CUL3: variants seen among roughly 807,000 people sequenced by gnomAD.
CUL3 encodes cullin-3.
Under a neutral mutation model 89.1 loss-of-function variants are expected in CUL3, and 19 were observed. That is an observed-to-expected ratio of 0.21 (90% CI 0.15 to 0.31). The LOEUF is 0.31. Among genes scored for constraint, CUL3 ranks in the 10% least tolerant of loss-of-function variants. CUL3 has a pLI of 1.00. For synonymous variants in CUL3, 351 were observed against 308.4 expected (o/e 1.14, Z -1.45); for missense variants, 469 against 942.3 (o/e 0.50, Z 6.58).
chr2:224,573,586 T>A (rs1387742878), intron 1 of CUL3, among the ~76,000 whole-genome samples: 1 of 152,204 alleles, frequency 6.6e-6, no homozygotes, highest in African/African-American at 2.4e-5. Flanking sequence ...GAAGGTAGAT[T>A]CTTTTTGTAA....
At chr2:224,513,709 G>T (rs920299956) in intron 4 of CUL3, 71 bp from the exon 5 acceptor site, 65 of 1,090,660 alleles carry the variant, frequency 6.0e-5, no homozygotes, top group South Asian at 1.4e-4. Flanking sequence ...TTACAAAAAG[G>T]AGTAGGTAAA....
chr2:224,541,894 T>C (rs1041268633), intron 2 of CUL3, among the ~76,000 whole-genome samples: 1 of 151,948 alleles, frequency 6.6e-6, no homozygotes, highest in Non-Finnish European at 1.5e-5. Flanking sequence ...TGTCAGGAAC[T>C]AGGGGTTAAG....
At chr2:224,541,332 T>C (rs1210359715) in intron 2 of CUL3, among the ~76,000 whole-genome samples, 1 of 152,182 alleles carries the variant, frequency 6.6e-6, no homozygotes, top group Non-Finnish European at 1.5e-5. Context: ...ATTTTGTACA[T>C]GAACAGATGT....
At chr2:224,582,050 G>A (rs1390262093) in intron 1 of CUL3, among the ~76,000 whole-genome samples, 5 of 151,700 alleles carry the variant, frequency 3.3e-5, no homozygotes, top group Admixed American at 2.6e-4. Flanking sequence ...CTGCAACCTC[G>A]GCCTTACAGG....
intron 3 of CUL3, among the ~76,000 whole-genome samples, chr2:224,532,248 T>A (rs568450758): frequency 2.6e-4 from 40 of 151,470 alleles, no homozygotes; most frequent in African/African-American, 9.7e-4. Context: ...GTGAAGAGAG[T>A]GTACCATGAG....
At chr2:224,505,692 T>C in intron 8 of CUL3, 1 of 205,968 alleles carries the variant, frequency 4.9e-6, no homozygotes, top group Non-Finnish European at 9.6e-6. Flanking sequence ...TGTCTTGGCC[T>C]CCCCAAATGC....
intron 10 of CUL3, 63 bp from the exon 11 acceptor site, chr2:224,500,550 T>C (rs758181377): frequency 8.5e-6 from 13 of 1,534,554 alleles, no homozygotes; most frequent in Non-Finnish European, 1.2e-5. Context: ...CTGTTCTGTT[T>C]AGACATTGTG....
rs539705174 is a variant in CUL3 at position 224,544,249 on chromosome 2, T to C, written c.265-8608A>G. 5.3e-5 allele frequency among the ~76,000 whole-genome samples: 8 copies of C among 152,282 alleles called. No individual in the cohort carries two copies. The South Asian group carries it at 1.7e-3, about 32-fold the overall frequency. ...TTATTAAATATGATTTATAATAGTT[T>C]TGTATGATTTTTTAAATTGGGGCTT... On this transcript the variant is annotated intron_variant, in intron 2 of 15. Coordinates refer to ENST00000264414, the MANE Select transcript of CUL3 (RefSeq NM_003590.5).
intron 1 of CUL3, among the ~76,000 whole-genome samples, chr2:224,578,009 G>A (rs1481706289): frequency 6.6e-6 from 1 of 152,146 alleles, no homozygotes; most frequent in Non-Finnish European, 1.5e-5. Context: ...GATAATAGTA[G>A]TATTCAATAG....
chr2:224,531,434 T>TC (rs1693693339), intron 3 of CUL3, among the ~76,000 whole-genome samples: 1 of 136,662 alleles, frequency 7.3e-6, no homozygotes, highest in African/African-American at 2.5e-5. Flanking sequence ...TGTAGTTTAT[T>TC]TAAAAAAAAA....
chr2:224,564,031 A>T (rs959541478), intron 1 of CUL3, among the ~76,000 whole-genome samples: 2 of 152,204 alleles, frequency 1.3e-5, no homozygotes, highest in African/African-American at 4.8e-5. Flanking sequence ...CACACCTGTA[A>T]TCCCAGCACT....
At chr2:224,560,973 TTC>T (rs1246603638) in intron 1 of CUL3, among the ~76,000 whole-genome samples, 3 of 152,222 alleles carry the variant, frequency 2.0e-5, no homozygotes, top group Non-Finnish European at 4.4e-5. Context: ...TTGCTATTCT[TTC>T]TGTCTGAAAT....
intron 3 of CUL3, among the ~76,000 whole-genome samples, chr2:224,516,128 T>C (rs1362217312): frequency 6.6e-6 from 1 of 152,180 alleles, no homozygotes; most frequent in African/African-American, 2.4e-5. Context: ...ATTATCTTCT[T>C]CAGTGCTCAC....
chr2:224,471,518 T>C lies in CUL3; in HGVS notation c.*2727A>G, dbSNP rs1030159453. Reference sequence around the variant, plus strand: ...GAACAAAACATCAACAGTGCTTCACTATGAGAAGGATTCTTACAGAGAAGG... The same window carrying C: ...GAACAAAACATCAACAGTGCTTCACCATGAGAAGGATTCTTACAGAGAAGG... On this transcript the variant is annotated 3_prime_UTR_variant, in exon 16 of 16. Transcript: ENST00000264414. The C allele has an allele frequency of 1.5e-5, 3 of 194,290 alleles. No individual in the cohort carries two copies. Among genetic ancestry groups the C allele is most frequent in the African/African-American group, 6.9e-5 (3 of 43,200 alleles). The allele number at this position is 194,290 out of a possible 1,614,324, so 12.0% of individuals were successfully genotyped here.
At chr2:224,525,959 C>T (rs1221822891) in intron 3 of CUL3, among the ~76,000 whole-genome samples, 1 of 152,190 alleles carries the variant, frequency 6.6e-6, no homozygotes, top group Non-Finnish European at 1.5e-5. Context: ...TTCAGGCACC[C>T]ATAAACCCCT....
At chr2:224,523,981 G>A (rs1164896827) in intron 3 of CUL3, among the ~76,000 whole-genome samples, 5 of 152,074 alleles carry the variant, frequency 3.3e-5, no homozygotes, top group Non-Finnish European at 7.4e-5. Context: ...ATTCTGGAGA[G>A]GATGGTGGTG....
intron 4 of CUL3, among the ~76,000 whole-genome samples, chr2:224,513,842 T>C (rs1692933472): frequency 6.6e-6 from 1 of 152,196 alleles, no homozygotes; most frequent in African/African-American, 2.4e-5. Flanking sequence ...CAGCTATTTC[T>C]CTCAAGGTGT....
At chr2:224,535,777 A>G (rs1016128374) in intron 2 of CUL3, 136 bp from the exon 3 acceptor site, 2 of 653,662 alleles carry the variant, frequency 3.1e-6, no homozygotes, top group African/African-American at 3.6e-5. Flanking sequence ...GGCTAGTAGA[A>G]ATATTTTAAG....
intron 1 of CUL3, among the ~76,000 whole-genome samples, chr2:224,568,581 T>C (rs1695103267): frequency 6.6e-6 from 1 of 152,202 alleles, no homozygotes; most frequent in African/African-American, 2.4e-5. Context: ...AATAATCAAA[T>C]CTTTTTCTAA....
Sources: allele counts gnomAD v4.1 joint callset (sites outside exome capture counted in the v4.1 genomes callset), GRCh38; gene constraint gnomAD v4.1.1; transcripts MANE v1.5; gene names NCBI Gene and HGNC (gene_info 2026-07-23, HGNC 2026-07-21).